SNX8: variants seen among roughly 807,000 people sequenced by gnomAD.
SNX8 encodes sorting nexin 8, also known as sorting nexin-8.
SNX8 carries 25 observed loss-of-function variants against 51.6 expected under a neutral mutation model. The ratio of observed to expected loss-of-function variants is 0.48; its 90% CI spans 0.35 to 0.68. SNX8 has a LOEUF of 0.68. Ranked by LOEUF, SNX8 falls within the 30% of genes least tolerant of loss-of-function variation. The probability of loss-of-function intolerance (pLI) is 0.00; values close to 1 mark genes in which losing one functional copy is unlikely to be tolerated. For missense variants in SNX8, 695 were observed against 624.0 expected (o/e 1.11, Z -1.21); for synonymous variants, 324 against 277.0 (o/e 1.17, Z -1.68).
upstream of SNX8, chr7:2,314,480 C>A (rs1018721307): frequency 1.4e-5 from 17 of 1,180,908 alleles, no homozygotes; most frequent in Admixed American, 4.6e-5. Context: ...AGCCCTGCCG[C>A]GCCGCGCCCT....
intron 1 of SNX8, among the ~76,000 whole-genome samples, chr7:2,304,359 A>G (rs1169710155): frequency 4.0e-5 from 6 of 151,050 alleles, no homozygotes; most frequent in Non-Finnish European, 5.9e-5. Context: ...CCTGGCTAAC[A>G]GGGTGAAACC....
At chr7:2,288,309 C>T (rs1367591966) in intron 1 of SNX8, 1 of 150,170 alleles carries the variant, frequency 6.7e-6, no homozygotes. Context: ...GAGATCGCAC[C>T]ACTGCACTCC....
chr7:2,269,965 C>T (rs1353290495), intron 4 of SNX8, among the ~76,000 whole-genome samples: 1 of 152,260 alleles, frequency 6.6e-6, no homozygotes, highest in South Asian at 2.1e-4. Flanking sequence ...TGCAGAGAAA[C>T]GGCCCCTCCA....
chr7:2,257,884 C>T, intron 7 of SNX8, 81 bp from the exon 8 acceptor site: 1 of 1,367,990 alleles, frequency 7.3e-7, no homozygotes, highest in Non-Finnish European at 1.0e-6. Context: ...CAAGCCTGGC[C>T]TGGGCCGGTT....
At chr7:2,277,806 C>CG (rs1426668511) in intron 2 of SNX8, among the ~76,000 whole-genome samples, 1 of 129,390 alleles carries the variant, frequency 7.7e-6, no homozygotes, top group Non-Finnish European at 1.8e-5. Context: ...GACTCCACAT[C>CG]GGGGAAAAAA....
chr7:2,351,493 G>A (rs1275840499), intron 1 of SNX8, among the ~76,000 whole-genome samples: 4 of 151,996 alleles, frequency 2.6e-5, no homozygotes, highest in African/African-American at 7.2e-5. Flanking sequence ...GAGGTGCGAC[G>A]GCACCACTGT....
At chr7:2,268,127 C>A in intron 5 of SNX8, among the ~76,000 whole-genome samples, 1 of 145,548 alleles carries the variant, frequency 6.9e-6, no homozygotes, top group South Asian at 2.2e-4. Flanking sequence ...GGGGGTCAGC[C>A]CCCCGCCTGG....
intron 1 of SNX8, among the ~76,000 whole-genome samples, chr7:2,324,939 G>C (rs1021465680): frequency 6.8e-6 from 1 of 147,934 alleles, no homozygotes; most frequent in Non-Finnish European, 1.5e-5. Flanking sequence ...CTGCGTAGCT[G>C]GGACTGCAGG....
intron 1 of SNX8, among the ~76,000 whole-genome samples, chr7:2,336,666 T>G (rs1462074262): frequency 6.6e-6 from 1 of 151,242 alleles, no homozygotes; most frequent in African/African-American, 2.4e-5. Flanking sequence ...CGAGATTGCG[T>G]CACTGCACTC....
At chr7:2,316,868 G>A (rs918359744), upstream of SNX8, among the ~76,000 whole-genome samples, 4 of 152,234 alleles carry the variant, frequency 2.6e-5, no homozygotes, top group Non-Finnish European at 4.4e-5. Flanking sequence ...CTGCCACCAG[G>A]AGGTCAGGAA....
intron 1 of SNX8, among the ~76,000 whole-genome samples, chr7:2,329,813 C>T (rs1018754902): frequency 4.1e-5 from 6 of 147,910 alleles, no homozygotes; most frequent in African/African-American, 1.5e-4. Context: ...GCTCTTCATC[C>T]ATATTTTTTG....
intron 1 of SNX8, among the ~76,000 whole-genome samples, chr7:2,302,826 C>T (rs1407346245): frequency 3.3e-5 from 5 of 151,462 alleles, no homozygotes; most frequent in East Asian, 3.9e-4. Context: ...CGTCTCTGCC[C>T]GGCCGCCCCG....
At chr7:2,343,451 G>A (rs1395243999) in intron 1 of SNX8, among the ~76,000 whole-genome samples, 5 of 151,560 alleles carry the variant, frequency 3.3e-5, no homozygotes, top group Admixed American at 1.3e-4. Flanking sequence ...CGAGGCGGGC[G>A]GATCACGAGA....
intron 1 of SNX8, among the ~76,000 whole-genome samples, chr7:2,334,144 G>A (rs557264459): frequency 2.0e-5 from 3 of 151,938 alleles, no homozygotes; most frequent in Non-Finnish European, 2.9e-5. Flanking sequence ...GGCCAGGCAC[G>A]GTGGCTCATG....
intron 1 of SNX8, among the ~76,000 whole-genome samples, chr7:2,294,921 T>G (rs1188820969): frequency 6.6e-6 from 1 of 151,996 alleles, no homozygotes; most frequent in Non-Finnish European, 1.5e-5. Flanking sequence ...TCCCAGCTAC[T>G]TGGGAAGCTG....
chr7:2,277,955 C>T, intron 2 of SNX8, 145 bp downstream of exon 2: 4 of 1,342,440 alleles, frequency 3.0e-6, no homozygotes, highest in Non-Finnish European at 4.0e-6. Flanking sequence ...CCTGACTCTG[C>T]TGCGAGTTCT....
At chr7:2,317,940 G>C (rs1195269347), upstream of SNX8, among the ~76,000 whole-genome samples, 5 of 152,198 alleles carry the variant, frequency 3.3e-5, no homozygotes, top group African/African-American at 4.8e-5. Context: ...ATATCTGATA[G>C]CTGCTTCCTT....
At chr7:2,263,410 C>A (rs1440900238) in intron 6 of SNX8, 48 bp from the exon 7 acceptor site, 1 of 1,534,754 alleles carries the variant, frequency 6.5e-7, no homozygotes, top group Non-Finnish European at 8.8e-7. Context: ...GCCTGGAGCT[C>A]ACCTGGCAGT....
chr7:2,278,008 C>T, intron 2 of SNX8, 92 bp downstream of exon 2: 1 of 1,525,330 alleles, frequency 6.6e-7, no homozygotes. Flanking sequence ...ACCCTTCAGC[C>T]TTCTCCTGTC....
Sources: allele counts gnomAD v4.1 joint callset (sites outside exome capture counted in the v4.1 genomes callset), GRCh38; gene constraint gnomAD v4.1.1; transcripts MANE v1.5; gene names NCBI Gene and HGNC (gene_info 2026-07-23, HGNC 2026-07-21).